The following FAM193A variants were observed in gnomAD, a reference collection of about 807,000 sequenced individuals.
FAM193A encodes family with sequence similarity 193 member A.
FAM193A carries 22 observed loss-of-function variants against 126.5 expected under a neutral mutation model. The ratio of observed to expected loss-of-function variants is 0.17; its 90% confidence interval spans 0.12 to 0.25. FAM193A has a LOEUF of 0.25. FAM193A is among the 10% of genes least tolerant of loss of function. The pLI is 1.00. For synonymous variants in FAM193A, 761 were observed against 646.8 expected (o/e 1.18, Z -2.68); for missense variants, 1,675 against 1,672.8 (o/e 1.00, Z -0.02).
At chr4:2,715,802 C>T (rs141920479) in intron 19 of FAM193A, among the ~76,000 whole-genome samples, 19 of 152,344 alleles carry the variant, frequency 1.2e-4, no homozygotes, top group African/African-American at 4.6e-4. Context: ...CCTGAAGCCA[C>T]AGTTGCTTTG....
At chr4:2,627,735 G>A (rs1257379334) in intron 4 of FAM193A, among the ~76,000 whole-genome samples, 1 of 150,740 alleles carries the variant, frequency 6.6e-6, no homozygotes, top group Non-Finnish European at 1.5e-5. Context: ...CTGCCACTGT[G>A]CCCAGCTAAT....
At chr4:2,565,139 G>T (rs975773074) in intron 1 of FAM193A, among the ~76,000 whole-genome samples, 11 of 150,826 alleles carry the variant, frequency 7.3e-5, no homozygotes, top group African/African-American at 1.7e-4. Context: ...GTTTTTTTTT[G>T]ATAGATTCCA....
intron 2 of FAM193A, among the ~76,000 whole-genome samples, chr4:2,608,400 A>G (rs1278675820): frequency 6.6e-6 from 1 of 151,968 alleles, no homozygotes; most frequent in Non-Finnish European, 1.5e-5. Flanking sequence ...GCTGGTCTCA[A>G]ACTCCTGGGC....
At chr4:2,645,561 C>G (rs1017742741) in intron 6 of FAM193A, among the ~76,000 whole-genome samples, 1 of 151,956 alleles carries the variant, frequency 6.6e-6, no homozygotes, top group Non-Finnish European at 1.5e-5. Context: ...TAGTTTCACC[C>G]TGTCTCCCAG....
intron 19 of FAM193A, among the ~76,000 whole-genome samples, chr4:2,703,783 G>A (rs1442285316): frequency 9.5e-5 from 13 of 136,598 alleles, no homozygotes; most frequent in African/African-American, 3.3e-4. Context: ...GGGCAATATA[G>A]CAAGACCCCA....
In FAM193A at chr4:2,728,896, C is replaced by CTTTTTTTT. The variant is rs34029424; in HGVS notation, c.4455-2860_4455-2853dup. Among the ~76,000 whole-genome samples, 326 of 97,116 alleles carry CTTTTTTTT rather than the reference C, an allele frequency of 3.4e-3. 41 individuals carry two copies. The highest frequency in any genetic ancestry group is 0.013 in the African/African-American group (255 of 19,272). The allele number at this position is 97,116 out of a possible 152,430, so 63.7% of individuals were successfully genotyped here. A position where few individuals can be genotyped will look rare whatever the true frequency, so the allele number is the denominator to read the frequency against. On this transcript the variant is annotated intron_variant, in intron 20 of 20. Transcript: ENST00000637812. ...AAGCAAATATGTTCCACCTCCAAAA[C>CTTTTTTTT]TTTTTTTTTTTTTTTTTTTTTTTTT...
At chr4:2,613,015 G>A (rs1457696020) in intron 2 of FAM193A, among the ~76,000 whole-genome samples, 1 of 152,172 alleles carries the variant, frequency 6.6e-6, no homozygotes, top group African/African-American at 2.4e-5. Flanking sequence ...GGGGAGAATT[G>A]AAACCTTAAC....
At chr4:2,597,543 T>C (rs1408954936) in intron 2 of FAM193A, among the ~76,000 whole-genome samples, 3 of 152,176 alleles carry the variant, frequency 2.0e-5, no homozygotes, top group Admixed American at 2.0e-4. Context: ...CTGCAGTGCG[T>C]CTTGCCTGCG....
chr4:2,704,599 A>G (rs1278614701), intron 19 of FAM193A, among the ~76,000 whole-genome samples: 7 of 152,108 alleles, frequency 4.6e-5, no homozygotes, highest in Admixed American at 4.6e-4. Flanking sequence ...TAAAAAGGTA[A>G]GTGCTTTCAT....
In FAM193A at chr4:2,696,029, AAAATAAAT is replaced by A. The variant is rs4040736; in HGVS notation, c.3277-314_3277-307del. 6.2e-3 allele frequency among the ~76,000 whole-genome samples: 937 copies of A among 150,386 alleles called. 9 individuals are homozygous for A. The highest frequency in any genetic ancestry group is 0.017 in the South Asian group (79 of 4,730). On this transcript the variant is annotated intron_variant, in intron 17 of 20. Transcript: ENST00000637812. ...GGTGACAGAGCAAGACCTTGTCTCAAAAATAAATAAATAAATAAATAAATAAAATACAT... is the reference window on the plus strand; with the variant it reads ...GGTGACAGAGCAAGACCTTGTCTCAAAAATAAATAAATAAATAAAATACAT...
chr4:2,706,262 C>T (rs1718287732), intron 19 of FAM193A, among the ~76,000 whole-genome samples: 1 of 151,228 alleles, frequency 6.6e-6, no homozygotes, highest in South Asian at 2.1e-4. Flanking sequence ...CAAGATGCCA[C>T]CTTTGTCCTA....
chr4:2,696,728 G>T (rs1717082463), intron 18 of FAM193A, 135 bp downstream of exon 18: 1 of 644,128 alleles, frequency 1.6e-6, no homozygotes, highest in African/African-American at 1.8e-5. Flanking sequence ...CCACAACTTT[G>T]TTCTGAGAGC....
At chr4:2,566,582 G>A (rs1287546284) in intron 1 of FAM193A, among the ~76,000 whole-genome samples, 1 of 152,080 alleles carries the variant, frequency 6.6e-6, no homozygotes, top group South Asian at 2.1e-4. Flanking sequence ...CCAGCTACTC[G>A]GGAGGCTGAG....
chr4:2,626,714 T>C, intron 4 of FAM193A, 137 bp downstream of exon 4: 1 of 574,784 alleles, frequency 1.7e-6, no homozygotes, highest in African/African-American at 1.8e-5. Context: ...CTGTCAAGAC[T>C]GCAGCAGATG....
chr4:2,632,715 C>G (rs1270054338), intron 5 of FAM193A, among the ~76,000 whole-genome samples: 2 of 152,038 alleles, frequency 1.3e-5, no homozygotes, highest in East Asian at 1.9e-4. Context: ...GGGCAGTTAT[C>G]CTGTTTCAAG....
chr4:2,576,387 T>G (rs918021179), intron 1 of FAM193A, among the ~76,000 whole-genome samples: 2 of 152,218 alleles, frequency 1.3e-5, no homozygotes, highest in Admixed American at 1.3e-4. Flanking sequence ...TGTGAGCCAC[T>G]GTGCCTGGAA....
intron 1 of FAM193A, among the ~76,000 whole-genome samples, chr4:2,577,441 CAG>C (rs370927135): frequency 1.4e-5 from 1 of 73,856 alleles, no homozygotes. Context: ...TTTTTTGAGA[CAG>C]AGTCTCAGTC....
At chr4:2,589,753 G>A (rs1577045607) in intron 1 of FAM193A, among the ~76,000 whole-genome samples, 1 of 152,190 alleles carries the variant, frequency 6.6e-6, no homozygotes, top group African/African-American at 2.4e-5. Context: ...GGAAAGCTGA[G>A]TTCAGGAAAG....
Position 2,646,695 on chromosome 4 carries a change from A to G in FAM193A, c.1174A>G (p.Thr392Ala), listed in dbSNP as rs750825327. 3.7e-6 allele frequency: 6 copies of G among 1,606,714 alleles called. No individual in the cohort carries two copies. In the Admixed American group the frequency reaches 6.8e-5, roughly 18 times the overall value. The change falls in exon 7 of 21, where the codon ACC (threonine) becomes GCC (alanine). Residue 392 changes from threonine (T) to alanine (A), a missense_variant. Physicochemically the swap from Thr to Ala is moderately conservative, Grantham distance 58. This residue lies in a region of FAM193A where 1,186 missense variants were observed against 1,109.2 expected (regional missense o/e 1.07). Coordinates refer to ENST00000637812, the MANE Select transcript of FAM193A (RefSeq NM_001366318.2). ...CCTTCTCTCTCCTAGGCTAGGAACC[A>G]CCACACACGACACCTGCAGTGAGGA... Reference protein sequence around the residue: ...ALVSQIRLGTTTHDTCSEDTY... With the variant: ...ALVSQIRLGTATHDTCSEDTY...
Sources: gnomAD v4.1 joint callset for allele counts (sites outside exome capture counted in the v4.1 genomes callset) on GRCh38, gnomAD v4.1.1 for gene constraint, gnomAD v4.1.1 regional missense constraint, MANE v1.5 for transcripts, NCBI Gene and HGNC (gene_info 2026-07-23, HGNC 2026-07-21) for gene names.